PAIP2: variants seen among roughly 807,000 people sequenced by gnomAD.
PAIP2 encodes the protein polyadenylate-binding protein-interacting protein 2.
PAIP2 carries 7 observed loss-of-function variants against 14.8 expected under a neutral mutation model. The observed-to-expected ratio is 0.47, with a 90% CI of 0.27 to 0.89. The LOEUF (loss-of-function observed/expected upper bound fraction) is 0.89. Among genes scored for constraint, PAIP2 ranks in the 40% least tolerant of loss-of-function variants. The pLI, the probability that PAIP2 is intolerant of heterozygous loss-of-function variation, is 0.13. For missense variants in PAIP2, 122 were observed against 154.7 expected, an observed-to-expected ratio of 0.79 and a Z score of 1.12; for synonymous variants, 47 against 45.3, an observed-to-expected ratio of 1.04 and a Z score of -0.15.
At chr5:139,368,528 CAAA>C (rs920446336) in intron 3 of PAIP2, among the ~76,000 whole-genome samples, 12 of 151,574 alleles carry the variant, frequency 7.9e-5, no homozygotes, top group Non-Finnish European at 2.9e-5. Context: ...GACTCCGTCA[CAAA>C]AAAAGAAAAG....
chr5:139,353,942 G>A (rs752768333), intron 1 of PAIP2, among the ~76,000 whole-genome samples: 3 of 151,970 alleles, frequency 2.0e-5, no homozygotes, highest in Non-Finnish European at 2.9e-5. Flanking sequence ...GGCTGGTCTC[G>A]AACTCCTGAC....
intron 2 of PAIP2, 89 bp from the exon 3 acceptor site, chr5:139,364,475 C>G (rs114231815): frequency 2.8e-6 from 2 of 712,094 alleles, no homozygotes; most frequent in African/African-American, 3.6e-5. Context: ...TGACTTTGTG[C>G]CTTTAAATGG....
intron 1 of PAIP2, among the ~76,000 whole-genome samples, chr5:139,349,188 G>GTA (rs1454464821): frequency 6.6e-6 from 1 of 152,162 alleles, no homozygotes; most frequent in Non-Finnish European, 1.5e-5. Flanking sequence ...ATTGGGTTGG[G>GTA]TATATTGGAG....
At chr5:139,350,199 T>A (rs996032482) in intron 1 of PAIP2, among the ~76,000 whole-genome samples, 2 of 151,188 alleles carry the variant, frequency 1.3e-5, no homozygotes, top group African/African-American at 2.4e-5. Context: ...AAAAGTTAAT[T>A]CCTTATGAGA....
chr5:139,345,397 G>A (rs183654218), intron 1 of PAIP2, among the ~76,000 whole-genome samples: 34 of 152,140 alleles, frequency 2.2e-4, no homozygotes, highest in South Asian at 1.0e-3. Context: ...CAAAAAATTC[G>A]GTGCTTTTCA....
At chr5:139,356,098 A>G (rs1419587650) in intron 1 of PAIP2, among the ~76,000 whole-genome samples, 1 of 151,808 alleles carries the variant, frequency 6.6e-6, no homozygotes, top group Admixed American at 6.6e-5. Flanking sequence ...AGATCGTGCC[A>G]TTGCACTCCA....
At chr5:139,349,448 C>T (rs973463039) in intron 1 of PAIP2, among the ~76,000 whole-genome samples, 6 of 151,982 alleles carry the variant, frequency 3.9e-5, no homozygotes, top group Admixed American at 6.6e-5. Context: ...CGGGTTTCGC[C>T]ATGTTGGCCA....
At chr5:139,357,583 A>G (rs1474864774) in intron 1 of PAIP2, among the ~76,000 whole-genome samples, 1 of 152,146 alleles carries the variant, frequency 6.6e-6, no homozygotes, top group Non-Finnish European at 1.5e-5. Flanking sequence ...CTGTAATCCA[A>G]ACACTCTGGG....
Position 139,344,494 on chromosome 5 carries a change from G to A in PAIP2, c.-27+2514G>A, listed in dbSNP as rs540198116. The stretch of plus-strand genomic sequence containing the variant: ...TAATTTTTTCATTGTTTAGAGTGGT[G>A]CTGTCCAATGATGTAGGTACTGTGT... On this transcript the variant is annotated intron_variant, in intron 1 of 3. Coordinates refer to ENST00000265192, the MANE Select transcript of PAIP2 (RefSeq NM_016480.5). Among the ~76,000 whole-genome samples the A allele has an allele frequency of 2.0e-5, 3 of 152,274 alleles. No homozygotes were observed. The East Asian group carries it at 5.8e-4, about 29-fold the overall frequency.
chr5:139,353,966 C>T (rs942517689), intron 1 of PAIP2, among the ~76,000 whole-genome samples: 4 of 152,174 alleles, frequency 2.6e-5, no homozygotes, highest in Admixed American at 1.3e-4. Flanking sequence ...AGGTGATCCA[C>T]CCACTTCGGC....
At chr5:139,352,503 T>TTTTTG (rs1554153575) in intron 1 of PAIP2, among the ~76,000 whole-genome samples, 1 of 124,462 alleles carries the variant, frequency 8.0e-6, no homozygotes, top group African/African-American at 3.2e-5. Flanking sequence ...TTTTTTGTTG[T>TTTTTG]TTTTTTTTTT....
At chr5:139,343,027 A>G (rs1756429861) in intron 1 of PAIP2, 1 of 152,126 alleles carries the variant, frequency 6.6e-6, no homozygotes, top group East Asian at 1.9e-4. Context: ...TTTTTCACAG[A>G]TTTCATTAGC....
chr5:139,346,004 T>A (rs1226936614), intron 1 of PAIP2, among the ~76,000 whole-genome samples: 1 of 152,194 alleles, frequency 6.6e-6, no homozygotes, highest in Non-Finnish European at 1.5e-5. Context: ...GATTTCTGTA[T>A]TTTAAAATTC....
At chr5:139,354,878 T>G (rs1301438394) in intron 1 of PAIP2, among the ~76,000 whole-genome samples, 1 of 151,034 alleles carries the variant, frequency 6.6e-6, no homozygotes, top group Non-Finnish European at 1.5e-5. Flanking sequence ...TGGAGTGCAG[T>G]GGCGTGGTCT....
chr5:139,358,572 C>T (rs999578760), intron 1 of PAIP2, among the ~76,000 whole-genome samples: 3 of 152,120 alleles, frequency 2.0e-5, no homozygotes, highest in African/African-American at 7.2e-5. Context: ...ACACAAATAC[C>T]GATAACAGCA....
intron 1 of PAIP2, among the ~76,000 whole-genome samples, chr5:139,347,312 C>T (rs1581291035): frequency 2.3e-5 from 3 of 128,426 alleles, no homozygotes; most frequent in South Asian, 4.7e-4. Context: ...TCCGCTCTGT[C>T]GCCCAGGCTG....
In PAIP2 at chr5:139,363,784, C is replaced by G. The variant is rs1561964008; in HGVS notation, c.-1C>G. On this transcript the variant is annotated 5_prime_UTR_variant, in exon 2 of 4. Coordinates refer to ENST00000265192, the MANE Select transcript of PAIP2 (RefSeq NM_016480.5). ...GTTAAAAACGACAACCAACATCAGC[C>G]ATGAAAGATCCAAGTCGCAGCAGTA... is the stretch of plus-strand genomic sequence containing the variant. The G allele has an allele frequency of 6.2e-7, 1 of 1,613,404 alleles. No individual in the cohort carries two copies. Among genetic ancestry groups the G allele is most frequent in the Non-Finnish European group, 8.5e-7 (1 of 1,179,684 alleles).
chr5:139,349,334 C>T (rs946751866), intron 1 of PAIP2, among the ~76,000 whole-genome samples: 3 of 152,014 alleles, frequency 2.0e-5, no homozygotes, highest in South Asian at 2.1e-4. Context: ...CTGCAACCTC[C>T]GCCTCCTGAG....
intron 1 of PAIP2, among the ~76,000 whole-genome samples, chr5:139,346,776 C>G (rs762599372): frequency 6.6e-6 from 1 of 151,930 alleles, no homozygotes; most frequent in Non-Finnish European, 1.5e-5. Context: ...GATCCACCCC[C>G]TTTGGCCTCC....
Sources: allele counts gnomAD v4.1 joint callset (sites outside exome capture counted in the v4.1 genomes callset), GRCh38; gene constraint gnomAD v4.1.1; transcripts MANE v1.5; gene names NCBI Gene and HGNC (gene_info 2026-07-23, HGNC 2026-07-21).